Variants in NEK10 observed in about 807,000 individuals in gnomAD.
NEK10 encodes serine/threonine-protein kinase Nek10.
In NEK10, 122 loss-of-function variants were observed where a neutral mutation model predicts 159.8. That is an observed-to-expected ratio of 0.76 (90% confidence interval 0.66 to 0.89). The LOEUF is 0.89. Among genes scored for constraint, NEK10 ranks in the 40% least tolerant of loss-of-function variants. The probability of loss-of-function intolerance (pLI) is 0.00; values close to 1 mark genes in which losing one functional copy is unlikely to be tolerated. For missense variants in NEK10, 1,342 were observed against 1,323.1 expected, an observed-to-expected ratio of 1.01 and a Z score of -0.22; for synonymous variants, 466 against 457.1, an observed-to-expected ratio of 1.02 and a Z score of -0.25.
chr3:27,261,370 A>G (rs1219263218), intron 22 of NEK10, among the ~76,000 whole-genome samples: 1 of 152,106 alleles, frequency 6.6e-6, no homozygotes, highest in Non-Finnish European at 1.5e-5. Flanking sequence ...AGTGCTATAA[A>G]TTTCCCTCTA....
Position 27,149,762 on chromosome 3 carries a change from A to G in NEK10, c.2870-8180T>C, listed in dbSNP as rs1944651787. Among the ~76,000 whole-genome samples, 4 of 152,324 alleles carry G rather than the reference A, an allele frequency of 2.6e-5. No individual in the cohort carries two copies. In the South Asian group the frequency reaches 8.3e-4, roughly 32 times the overall value. On this transcript the variant is annotated intron_variant, in intron 30 of 35. Coordinates refer to ENST00000691995, the MANE Select transcript of NEK10 (RefSeq NM_001394966.1). ...AATGGCCTCTAATTGTTCAAGTGGA[A>G]AAAAGAGTCACATGTCTCTTACTTT... is the stretch of plus-strand genomic sequence containing the variant.
intron 22 of NEK10, among the ~76,000 whole-genome samples, chr3:27,283,020 G>A (rs1319605501): frequency 6.6e-6 from 1 of 152,026 alleles, no homozygotes; most frequent in Non-Finnish European, 1.5e-5. Flanking sequence ...ATATTTCCAA[G>A]TAGCTTTGTA....
rs374856327 is a variant in NEK10, at chr3:27,301,707, G to A, written c.1157C>T (p.Ser386Leu). Residue 386 changes from serine to leucine, a missense_variant, in exon 13 of 36, where the codon TCA (serine) becomes TTA (leucine). Coordinates refer to ENST00000691995, the MANE Select transcript of NEK10 (RefSeq NM_001394966.1). ...TAAAACATAAATACCTGCTTGAAGT[G>A]AGAAAGTATTTTCTTGTATTTCCCT... The part of the protein sequence containing the change: ...SPREIQENTF[S>L]LQAACCAALT... 44 of 1,564,248 alleles carry A rather than the reference G, an allele frequency of 2.8e-5. No individual in the cohort carries two copies. The highest frequency in any genetic ancestry group is 3.8e-5 in the Non-Finnish European group (43 of 1,146,364).
chr3:27,113,226 G>GAGT (rs10684883), intron 35 of NEK10, among the ~76,000 whole-genome samples: 18,168 of 151,824 alleles, frequency 0.12, 3,615 homozygotes, highest in African/African-American at 0.41. Context: ...CTGAGGCCAG[G>GAGT]TCAAGATCAG....
At chr3:27,176,501 G>C (rs1192923326) in intron 26 of NEK10, among the ~76,000 whole-genome samples, 1 of 152,120 alleles carries the variant, frequency 6.6e-6, no homozygotes, top group Non-Finnish European at 1.5e-5. Flanking sequence ...TCCAGCCTCA[G>C]CTCTGCCACA....
At chr3:27,328,855 T>G (rs183178420) in intron 5 of NEK10, among the ~76,000 whole-genome samples, 1 of 152,138 alleles carries the variant, frequency 6.6e-6, no homozygotes, top group Admixed American at 6.6e-5. Context: ...AGACTAAAAC[T>G]GAGGCATTCT....
intron 24 of NEK10, among the ~76,000 whole-genome samples, chr3:27,201,834 C>T (rs943998594): frequency 1.3e-5 from 2 of 152,100 alleles, no homozygotes; most frequent in Non-Finnish European, 2.9e-5. Flanking sequence ...ATATAAGGTG[C>T]TGGATTGTGA....
chr3:27,128,118 C>A (rs1396292083), intron 32 of NEK10, among the ~76,000 whole-genome samples: 1 of 152,176 alleles, frequency 6.6e-6, no homozygotes, highest in Admixed American at 6.5e-5. Flanking sequence ...GCCATATGGT[C>A]TCTGTAACTG....
intron 22 of NEK10, among the ~76,000 whole-genome samples, chr3:27,271,778 A>G (rs12492994): frequency 0.27 from 40,367 of 152,022 alleles, 5,499 homozygotes; most frequent in Middle Eastern, 0.39. Context: ...CAGAAATTGT[A>G]CTCATAAAAG....
chr3:27,200,113 T>C (rs1229456808), intron 25 of NEK10, among the ~76,000 whole-genome samples: 2 of 152,044 alleles, frequency 1.3e-5, no homozygotes, highest in Non-Finnish European at 2.9e-5. Flanking sequence ...AACTTAAAAA[T>C]TTTAAAAAAA....
Position 27,312,092 on chromosome 3 carries a change from CACTT to C in NEK10, c.568+3_568+6del. 6.2e-7 allele frequency: 1 copy of C among 1,601,162 alleles called. No homozygotes were observed. ...AAAAATGGCTGTGTCCCTGCAATAACACTTACATGTCATGTTGACCAGCTTGTCC... is the reference window on the plus strand; with the variant it reads ...AAAAATGGCTGTGTCCCTGCAATAACACATGTCATGTTGACCAGCTTGTCC... On this transcript the variant is annotated splice_donor_5th_base_variant and intron_variant, in intron 8 of 35. Coordinates refer to ENST00000691995, the MANE Select transcript of NEK10 (RefSeq NM_001394966.1).
Position 27,342,943 on chromosome 3 carries a change from T to G in NEK10, c.362+1329A>C, listed in dbSNP as rs146163562. Among the ~76,000 whole-genome samples, 663 of 152,352 alleles carry G rather than the reference T, an allele frequency of 4.4e-3. 10 individuals are homozygous for G. Among genetic ancestry groups the G allele is most frequent in the African/African-American group, 0.015 (633 of 41,584 alleles). On this transcript the variant is annotated intron_variant, in intron 5 of 35. Transcript: ENST00000691995. ...ATATGTAACTTCAGGTTCTTTGCAG[T>G]GTTCATTAATCTTTGAACAATCTTT...
At chr3:27,139,154 T>C (rs1007188597) in intron 31 of NEK10, among the ~76,000 whole-genome samples, 2 of 152,088 alleles carry the variant, frequency 1.3e-5, no homozygotes, top group African/African-American at 2.4e-5. Context: ...AAATTTCTCA[T>C]GTGAAAGTTA....
intron 23 of NEK10, among the ~76,000 whole-genome samples, chr3:27,209,038 C>T (rs1950774499): frequency 6.6e-6 from 1 of 152,176 alleles, no homozygotes; most frequent in South Asian, 2.1e-4. Context: ...GAAATTGGCA[C>T]ACCTTTAACA....
intron 31 of NEK10, 104 bp downstream of exon 31, chr3:27,141,378 A>T (rs1943769411): frequency 3.8e-6 from 3 of 793,042 alleles, no homozygotes; most frequent in Non-Finnish European, 4.0e-6. Flanking sequence ...TGGGGAGGAT[A>T]AGAACAAGAA....
At chr3:27,269,707 C>G (rs909064386) in intron 22 of NEK10, among the ~76,000 whole-genome samples, 2 of 152,210 alleles carry the variant, frequency 1.3e-5, no homozygotes, top group Admixed American at 1.3e-4. Context: ...TGTTCTGGAA[C>G]AAAGTCCACA....
chr3:27,134,588 T>C (rs1051933672), intron 31 of NEK10, among the ~76,000 whole-genome samples: 2 of 152,248 alleles, frequency 1.3e-5, no homozygotes, highest in African/African-American at 4.8e-5. Flanking sequence ...GCGATTTATT[T>C]AACTTGAGAA....
At chr3:27,238,932 C>T (rs1365731036) in intron 23 of NEK10, among the ~76,000 whole-genome samples, 1 of 152,028 alleles carries the variant, frequency 6.6e-6, no homozygotes, top group African/African-American at 2.4e-5. Context: ...CCATTGGTTA[C>T]TTGGTTATAC....
intron 35 of NEK10, among the ~76,000 whole-genome samples, chr3:27,112,442 G>A (rs749793599): frequency 3.9e-5 from 6 of 152,198 alleles, no homozygotes; most frequent in Middle Eastern, 3.4e-3. Flanking sequence ...TTCTCAGCAC[G>A]GTGCTTAATT....
Sources: gnomAD v4.1 joint callset for allele counts (sites outside exome capture counted in the v4.1 genomes callset) on GRCh38, gnomAD v4.1.1 for gene constraint, MANE v1.5 for transcripts, NCBI Gene and HGNC (gene_info 2026-07-23, HGNC 2026-07-21) for gene names.